TTN: variants seen among roughly 807,000 people sequenced by gnomAD.
The protein encoded by TTN is titin, also known as connectin.
TTN carries 1,525 observed loss-of-function variants against 3,223.0 expected under a neutral mutation model. The ratio of observed to expected loss-of-function variants is 0.47; its 90% confidence interval spans 0.45 to 0.49. The LOEUF is 0.49. Among genes scored for constraint, TTN ranks in the 20% least tolerant of loss-of-function variants. TTN has a pLI of 0.00. For synonymous variants in TTN, 14,094 were observed against 15,161.0 expected (o/e 0.93, Z 5.17); for missense variants, 40,786 against 43,424.0 (o/e 0.94, Z 5.40).
intron 250 of TTN, chr2:178,619,226 A>G: frequency 2.8e-6 from 1 of 356,088 alleles, no homozygotes. Flanking sequence ...GAGGTACACT[A>G]ATGGCTTTTT....
chr2:178,707,699 C>A lies in TTN; in HGVS notation c.28868G>T (p.Trp9623Leu). The A allele has an allele frequency of 6.2e-7, 1 of 1,613,970 alleles. No homozygotes were observed. Among genetic ancestry groups the A allele is most frequent in the Non-Finnish European group, 8.5e-7 (1 of 1,179,854 alleles). ...CTTTATTTCCCTGCCAGCCTTCAAC[C>A]ACTGGATCCTAATTGGCTCAGATCC... ...VQGSEPIRIQ[W>L]LKAGREIKPS... Residue 9623 changes from tryptophan to leucine, a missense_variant, in exon 100 of 363, where the codon TGG becomes TTG. Physicochemically the swap from Trp to Leu is moderately conservative, Grantham distance 61. Transcript: ENST00000589042.
chr2:178,804,064 G>C (rs1302569632), intron 2 of TTN, among the ~76,000 whole-genome samples: 1 of 152,198 alleles, frequency 6.6e-6, no homozygotes, highest in African/African-American at 2.4e-5. Context: ...ATAATGAGGA[G>C]TTGGTTAATT....
rs865853511 is a variant in TTN at position 178,692,514 on chromosome 2, T to C, written c.31661A>G (p.Glu10554Gly). 5.0e-6 allele frequency: 8 copies of C among 1,584,994 alleles called. No individual in the cohort carries two copies. The highest frequency in any genetic ancestry group is 2.3e-5 in the South Asian group (2 of 86,384). Residue 10554 changes from glutamate (E) to glycine (G), a missense_variant, in exon 120 of 363, where the codon GAG (glutamate) becomes GGG (glycine). By Grantham distance (98) the Glu-to-Gly change is moderately conservative. Coordinates refer to ENST00000589042, the MANE Select transcript of TTN (RefSeq NM_001267550.2). ...TATTCTACCTTTTGGTGCTGGGGGCTCCACTTTTTTAGGGATAGGAACAGG... is the reference window on the plus strand; with the variant it reads ...TATTCTACCTTTTGGTGCTGGGGGCCCCACTTTTTTAGGGATAGGAACAGG... ...VAPVPIPKKV[E>G]PPAPKVPEVP...
At position 178,757,661 on chromosome 2, in the gene TTN, C is replaced by T; in HGVS notation, c.10559G>A (p.Gly3520Asp). Residue 3520 changes from glycine to aspartate, a missense_variant, in exon 45 of 363, where the codon GGC becomes GAC. Gly to Asp is a moderately conservative substitution (Grantham distance 94, BLOSUM62 -1). Transcript: ENST00000589042. The stretch of plus-strand genomic sequence containing the variant: ...ATCAACTATAAGCATTAAAGCCATG[C>T]CTGTGGACTCCTCAAAATGGAAAAC... ...DVVFHFEEST[G>D]MALMLIVDAY... 1 of 1,613,832 alleles carries T rather than the reference C, an allele frequency of 6.2e-7. No individual in the cohort carries two copies. Among genetic ancestry groups the T allele is most frequent in the Non-Finnish European group, 8.5e-7 (1 of 1,179,816 alleles).
rs1284079251 is a variant in TTN, at chr2:178,528,871, T to C, written c.106880A>G (p.Lys35627Arg). ...SINEGQRLVL[K>R]ANIAGATDVK... ...ATCAGTGGCACCAGCAATGTTGGCT[T>C]TTAAAACCAGTCTTTGACCTTCGTT... is the stretch of plus-strand genomic sequence containing the variant. The change falls in exon 360 of 363, where the codon AAA becomes AGA. Residue 35627 changes from lysine (K) to arginine (R), a missense_variant. By Grantham distance (26) the Lys-to-Arg change is conservative. Transcript: ENST00000589042. The C allele has an allele frequency of 6.2e-7, 1 of 1,613,904 alleles. No individual in the cohort carries two copies. Among genetic ancestry groups the C allele is most frequent in the African/African-American group, 1.3e-5 (1 of 74,944 alleles).
Position 178,731,902 on chromosome 2 carries a change from G to A in TTN, c.16973C>T (p.Ala5658Val). The change falls in exon 58 of 363, where the codon GCT (alanine) becomes GTT (valine). Residue 5658 changes from alanine to valine, a missense_variant. Coordinates refer to ENST00000589042, the MANE Select transcript of TTN (RefSeq NM_001267550.2). ...VLKEYDVMLL[A>V]EVAGTPPFEI... ...AAAGGGAGGAGTGCCTGCCACCTCA[G>A]CCAGCAACATGACATCGTACTCCTT... 2 of 1,613,662 alleles carry A rather than the reference G, an allele frequency of 1.2e-6. No individual in the cohort carries two copies. The highest frequency in any genetic ancestry group is 1.7e-6 in the Non-Finnish European group (2 of 1,179,706).
intron 330 of TTN, chr2:178,556,572 T>C (rs998043101): frequency 5.0e-5 from 22 of 439,204 alleles, no homozygotes; most frequent in Non-Finnish European, 7.6e-5. Flanking sequence ...TAAAACAGAA[T>C]GAAAGCACCA....
At position 178,537,605 on chromosome 2, in the gene TTN, G is replaced by A. The variant is rs1692203469; in HGVS notation, c.99602C>T (p.Pro33201Leu). 1.2e-6 allele frequency: 2 copies of A among 1,613,608 alleles called. No homozygotes were observed. The highest frequency in any genetic ancestry group is 8.5e-7 in the Non-Finnish European group (1 of 1,179,658). ...AGCTCCATAATATTTCTCTTTCAGT[G>A]GGTAACCAGGATGGAACTGCGGTGT... ...QATPQFHPGY[P>L]LKEKYYGAVG... The change falls in exon 355 of 363, where the codon CCA (proline) becomes CTA (leucine). Residue 33201 changes from proline (P) to leucine (L), a missense_variant. Pro to Leu is a moderately conservative substitution (Grantham distance 98). Transcript: ENST00000589042.
At chr2:178,797,870 TTC>T (rs1052819208) in intron 6 of TTN, among the ~76,000 whole-genome samples, 5 of 152,144 alleles carry the variant, frequency 3.3e-5, no homozygotes, top group African/African-American at 1.2e-4. Flanking sequence ...GCAGATTGTC[TTC>T]TCTTTTTTTT....
chr2:178,764,843 A>G, intron 41 of TTN, 32 bp from the exon 42 acceptor site: 1 of 1,611,148 alleles, frequency 6.2e-7, no homozygotes, highest in Non-Finnish European at 8.5e-7. Flanking sequence ...TAGCCCATGA[A>G]AAAGTGTAAA....
rs398124461 is a variant in TTN, at chr2:178,540,316, A to G, written c.97850T>C (p.Val32617Ala). The change falls in exon 351 of 363, where the codon GTC (valine) becomes GCC (alanine). Residue 32617 changes from valine to alanine, a missense_variant. Transcript: ENST00000589042. ...PRVTDTTRTS[V>A]SLAWSVPEDE... ...TTCTGGAACACTCCAGGCCAGGGAG[A>G]CTGATGTCCTTGTTGTATCAGTAAC... 18 of 1,613,556 alleles carry G rather than the reference A, an allele frequency of 1.1e-5. No homozygotes were observed. The highest frequency in any genetic ancestry group is 1.7e-5 in the Admixed American group (1 of 59,980).
At chr2:178,650,322 G>A (rs1441261779) in intron 209 of TTN, 51 bp from the exon 210 acceptor site, 6 of 1,448,006 alleles carry the variant, frequency 4.1e-6, no homozygotes, top group East Asian at 2.5e-5. Flanking sequence ...AATATTCTAA[G>A]ATGGACAAAC....
At position 178,542,268 on chromosome 2, in the gene TTN, G is replaced by A. The variant is rs727504527; in HGVS notation, c.97488C>T (p.Ser32496=). The change falls in exon 349 of 363, where the codon AGC becomes AGT. Residue 32496 remains serine (S), a synonymous_variant. Transcript: ENST00000589042. ...TGGAAGGGCCTGTGGACTTACGGAT[G>A]CTGCTGCGACACTCTATGACCTCAG... is the stretch of plus-strand genomic sequence containing the variant. ...LQSEVIECRS[S]IRIPGPPETL... 5.6e-6 allele frequency: 9 copies of A among 1,605,432 alleles called. No individual in the cohort carries two copies. The highest frequency in any genetic ancestry group is 1.1e-5 in the South Asian group (1 of 90,150).
rs1025712241 is a variant in TTN, at chr2:178,568,198, C to T, written c.77934G>A (p.Glu25978=). The change falls in exon 326 of 363, where the codon GAG becomes GAA. Residue 25978 remains glutamate, a synonymous_variant. Coordinates refer to ENST00000589042, the MANE Select transcript of TTN (RefSeq NM_001267550.2). The stretch of plus-strand genomic sequence containing the variant: ...GATATTGAGCTACAATTGGATCAGA[C>T]TCTAAGGCAAAGCTTTGTCCATATC... ...ENRYGQSFAL[E]SDPIVAQYPY... is the part of the protein sequence containing the mutation. 1 of 1,613,494 alleles carries T rather than the reference C, an allele frequency of 6.2e-7. No individual in the cohort carries two copies. Among genetic ancestry groups the T allele is most frequent in the South Asian group, 1.1e-5 (1 of 91,074 alleles).
rs375666120 is a variant in TTN at position 178,721,857 on chromosome 2, G to A, written c.22806C>T (p.Leu7602=). 1.2e-5 allele frequency: 20 copies of A among 1,607,402 alleles called. No individual in the cohort carries two copies. Among genetic ancestry groups the A allele is most frequent in the Non-Finnish European group, 1.6e-5 (19 of 1,176,656 alleles). ...GTCATGGAATGATACCTTTTACACTGAGCTGAGCTGAGCACATGTCTTTGC... is the reference window on the plus strand; with the variant it reads ...GTCATGGAATGATACCTTTTACACTAAGCTGAGCTGAGCACATGTCTTTGC... ...DVGKDMCSAQ[L]SVKEPPKFVK... Residue 7602 remains leucine (L), a synonymous_variant, in exon 78 of 363, where the codon CTC becomes CTT. Coordinates refer to ENST00000589042, the MANE Select transcript of TTN (RefSeq NM_001267550.2).
Position 178,597,711 on chromosome 2 carries a change from A to G in TTN, c.57371T>C (p.Val19124Ala). Residue 19124 changes from valine (V) to alanine (A), a missense_variant, in exon 294 of 363, where the codon GTC becomes GCC. Val to Ala is a moderately conservative substitution (Grantham distance 64). Transcript: ENST00000589042. ...AYVSGKPPPTVTWNMNERTLP... is the reference protein window; with the variant it reads ...AYVSGKPPPTATWNMNERTLP... ...GGTTCTTTCATTCATGTTCCAGGTG[A>G]CGGTTGGAGGAGGCTTTCCAGACAC... 1 of 1,613,282 alleles carries G rather than the reference A, an allele frequency of 6.2e-7. No homozygotes were observed. The highest frequency in any genetic ancestry group is 8.5e-7 in the Non-Finnish European group (1 of 1,179,550).
rs2154271015 is a variant in TTN at position 178,681,447 on chromosome 2, A to G, written c.33176T>C (p.Leu11059Pro). ...TTTTTCTTCAGGGACAGCTTTCTTCAGCACTTCAAAATATCAATATTAAGA... is the reference window on the plus strand; with the variant it reads ...TTTTTCTTCAGGGACAGCTTTCTTCGGCACTTCAAAATATCAATATTAAGA... The part of the protein sequence containing the change: ...TKPKAPPAKV[L>P]KKAVPEEKVP... The change falls in exon 137 of 363, where the codon CTG becomes CCG. Residue 11059 changes from leucine to proline, a missense_variant. Leu to Pro is a moderately conservative substitution (Grantham distance 98). Transcript: ENST00000589042. 1 of 1,606,110 alleles carries G rather than the reference A, an allele frequency of 6.2e-7. No individual in the cohort carries two copies. Among genetic ancestry groups the G allele is most frequent in the Non-Finnish European group, 8.5e-7 (1 of 1,177,312 alleles).
At chr2:178,732,405 G>A in intron 56 of TTN, 35 bp downstream of exon 56, 1 of 1,583,734 alleles carries the variant, frequency 6.3e-7, no homozygotes, top group Non-Finnish European at 8.6e-7. Context: ...TTTATAACAA[G>A]GTTAGCACAA....
rs747559346 is a variant in TTN at position 178,562,757 on chromosome 2, A to G, written c.83375T>C (p.Ile27792Thr). 11 of 1,612,902 alleles carry G rather than the reference A, an allele frequency of 6.8e-6. No individual in the cohort carries two copies. Among genetic ancestry groups the G allele is most frequent in the South Asian group, 2.2e-5 (2 of 90,992 alleles). Residue 27792 changes from isoleucine (I) to threonine (T), a missense_variant, in exon 326 of 363, where the codon ATT becomes ACT. Physicochemically the swap from Ile to Thr is moderately conservative, Grantham distance 89 (BLOSUM62 -1). Transcript: ENST00000589042. ...GTTTGTAATCTTAGCTCCACCATCA[A>G]TAAGTGGTGGTTCCCAGGACAACGT... Reference protein sequence around the residue: ...SVTLSWEPPLIDGGAKITNYI... With the variant: ...SVTLSWEPPLTDGGAKITNYI...
Sources: gnomAD v4.1 joint callset for allele counts (sites outside exome capture counted in the v4.1 genomes callset) on GRCh38, gnomAD v4.1.1 for gene constraint, MANE v1.5 for transcripts, NCBI Gene and HGNC (gene_info 2026-07-23, HGNC 2026-07-21) for gene names.